Variants in PANX1 observed in about 807,000 individuals in gnomAD.
PANX1 encodes pannexin-1.
PANX1 carries 30 observed loss-of-function variants against 38.7 expected under a neutral mutation model. The ratio of observed to expected loss-of-function variants is 0.78; its 90% CI spans 0.58 to 1.05. The LOEUF (loss-of-function observed/expected upper bound fraction) is 1.05, where lower values mean the gene tolerates loss of function less well. PANX1 is among the 50% of genes least tolerant of loss of function. PANX1 has a pLI of 0.00. For missense variants in PANX1, 551 were observed against 517.2 expected, an observed-to-expected ratio of 1.07 and a Z score of -0.63; for synonymous variants, 230 against 212.2, an observed-to-expected ratio of 1.08 and a Z score of -0.73.
intron 1 of PANX1, among the ~76,000 whole-genome samples, chr11:94,153,227 T>C (rs1946905235): frequency 6.6e-6 from 1 of 152,196 alleles, no homozygotes; most frequent in Non-Finnish European, 1.5e-5. Context: ...TCCTGCTTCC[T>C]TTTTCTTTGT....
chr11:94,133,569 T>G (rs1301599459), intron 1 of PANX1, among the ~76,000 whole-genome samples: 1 of 151,990 alleles, frequency 6.6e-6, no homozygotes, highest in Non-Finnish European at 1.5e-5. Flanking sequence ...ATACTAAGGA[T>G]TGAATGTAAG....
chr11:94,157,749 G>T (rs1002118135), intron 2 of PANX1, among the ~76,000 whole-genome samples: 5 of 152,196 alleles, frequency 3.3e-5, no homozygotes, highest in African/African-American at 1.2e-4. Context: ...AGTTTACTTA[G>T]ATCCCATTTG....
chr11:94,156,969 A>G (rs1243969113), intron 2 of PANX1, among the ~76,000 whole-genome samples: 1 of 151,896 alleles, frequency 6.6e-6, no homozygotes, highest in East Asian at 1.9e-4. Flanking sequence ...GAGCAAGAAC[A>G]TGCGGTGTTT....
chr11:94,129,227 G>T lies in PANX1; in HGVS notation c.-86G>T. ...AAGGGAAAGCGAAAGCCGCGCGCCC[G>T]GCCGGTGACTGGGTGAAGGCGCCGC... On this transcript the variant is annotated 5_prime_UTR_variant, in exon 1 of 5. Transcript: ENST00000227638. 1 of 1,202,238 alleles carries T rather than the reference G, an allele frequency of 8.3e-7. No individual in the cohort carries two copies. The highest frequency in any genetic ancestry group is 1.2e-6 in the Non-Finnish European group (1 of 864,282). 74.5% of individuals were successfully genotyped at this position (1,202,238 alleles called of 1,614,324 possible).
At chr11:94,155,702 AGAAGAAAAGCC>A (rs1946941907) in intron 2 of PANX1, among the ~76,000 whole-genome samples, 1 of 152,156 alleles carries the variant, frequency 6.6e-6, no homozygotes, top group South Asian at 2.1e-4. Context: ...CGGTAGAGGC[AGAAGAAAAGCC>A]CCATAAAAGT....
chr11:94,134,594 T>C (rs1488033289), intron 1 of PANX1, among the ~76,000 whole-genome samples: 1 of 152,076 alleles, frequency 6.6e-6, no homozygotes, highest in Non-Finnish European at 1.5e-5. Context: ...GGGACCTTCA[T>C]GATGGGATGC....
chr11:94,170,497 T>G (rs776064446), intron 2 of PANX1, among the ~76,000 whole-genome samples: 6 of 151,834 alleles, frequency 4.0e-5, no homozygotes, highest in Non-Finnish European at 8.8e-5. Context: ...TTGGCTATTG[T>G]GAATATTGCT....
At chr11:94,164,068 A>C (rs749805343) in intron 2 of PANX1, among the ~76,000 whole-genome samples, 2 of 151,704 alleles carry the variant, frequency 1.3e-5, no homozygotes, top group Non-Finnish European at 1.5e-5. Flanking sequence ...TGTGGTATGA[A>C]TGATAATGTC....
intron 1 of PANX1, among the ~76,000 whole-genome samples, chr11:94,148,338 T>C (rs1228440177): frequency 2.0e-5 from 3 of 152,216 alleles, no homozygotes; most frequent in Non-Finnish European, 2.9e-5. Context: ...TGTAACATTA[T>C]TGTATTTTAT....
At chr11:94,177,038 A>C (rs1947242943) in intron 2 of PANX1, among the ~76,000 whole-genome samples, 1 of 151,656 alleles carries the variant, frequency 6.6e-6, no homozygotes, top group Non-Finnish European at 1.5e-5. Flanking sequence ...TCCATCAATT[A>C]TCTCCTTTAA....
chr11:94,130,968 A>G (rs1329659162), intron 1 of PANX1, among the ~76,000 whole-genome samples: 3 of 152,232 alleles, frequency 2.0e-5, no homozygotes, highest in Non-Finnish European at 4.4e-5. Flanking sequence ...TTGCGCAGGC[A>G]TAGTCATCGG....
At chr11:94,164,408 T>C (rs1026047966) in intron 2 of PANX1, among the ~76,000 whole-genome samples, 1 of 152,232 alleles carries the variant, frequency 6.6e-6, no homozygotes, top group Non-Finnish European at 1.5e-5. Flanking sequence ...GTTCTCATTT[T>C]CATTTGTTTC....
At chr11:94,144,931 G>A (rs1024272218) in intron 1 of PANX1, among the ~76,000 whole-genome samples, 1 of 152,140 alleles carries the variant, frequency 6.6e-6, no homozygotes, top group Non-Finnish European at 1.5e-5. Context: ...TTGAATGAGA[G>A]AATCTAATTC....
intron 2 of PANX1, among the ~76,000 whole-genome samples, chr11:94,161,511 A>G (rs531636845): frequency 6.6e-6 from 1 of 152,284 alleles, no homozygotes; most frequent in East Asian, 1.9e-4. Flanking sequence ...AGTTGATCAA[A>G]TCGGCTACTG....
intron 2 of PANX1, among the ~76,000 whole-genome samples, chr11:94,171,250 C>T (rs776009298): frequency 6.6e-6 from 1 of 151,624 alleles, no homozygotes; most frequent in Non-Finnish European, 1.5e-5. Flanking sequence ...TCATTCTGAA[C>T]TTGCTGTCAC....
intron 2 of PANX1, among the ~76,000 whole-genome samples, chr11:94,153,837 A>T (rs942439920): frequency 6.6e-6 from 1 of 152,196 alleles, no homozygotes; most frequent in African/African-American, 2.4e-5. Flanking sequence ...GGCAATGGGA[A>T]GTGTTCTTTG....
Position 94,129,250 on chromosome 11 carries a change from C to T in PANX1, c.-63C>T, listed in dbSNP as rs924267584. 15 of 1,455,264 alleles carry T rather than the reference C, an allele frequency of 1.0e-5. No individual in the cohort carries two copies. The East Asian group carries it at 3.4e-4, about 33-fold the overall frequency. The allele number at this position is 1,455,264 out of a possible 1,614,324, so 90.1% of individuals were successfully genotyped here. On this transcript the variant is annotated 5_prime_UTR_variant, in exon 1 of 5. Coordinates refer to ENST00000227638, the MANE Select transcript of PANX1 (RefSeq NM_015368.4). ...CCGGCCGGTGACTGGGTGAAGGCGC[C>T]GCGCAGCTTTCCCGACGCCGGCTGT...
intron 1 of PANX1, among the ~76,000 whole-genome samples, chr11:94,139,367 G>C (rs561975672): frequency 1.3e-5 from 2 of 152,168 alleles, no homozygotes; most frequent in Non-Finnish European, 2.9e-5. Flanking sequence ...TATTTAAAAG[G>C]CTCTTGAATT....
intron 2 of PANX1, among the ~76,000 whole-genome samples, chr11:94,157,088 T>C (rs1279816704): frequency 2.0e-5 from 3 of 152,204 alleles, no homozygotes; most frequent in Non-Finnish European, 4.4e-5. Flanking sequence ...TAGTATTCCA[T>C]GGTGTATATG....
Sources: gnomAD v4.1 joint callset for allele counts (sites outside exome capture counted in the v4.1 genomes callset) on GRCh38, gnomAD v4.1.1 for gene constraint, MANE v1.5 for transcripts, NCBI Gene and HGNC (gene_info 2026-07-23, HGNC 2026-07-21) for gene names.